Variants in ASB5 observed in about 807,000 individuals in gnomAD.
ASB5 encodes the protein ankyrin repeat and SOCS box containing 5, also known as ankyrin repeat and SOCS box protein 5.
A neutral mutation model predicts 42.1 loss-of-function variants in ASB5; 45 were observed. That is an observed-to-expected ratio of 1.07 (90% CI 0.84 to 1.37). The LOEUF (loss-of-function observed/expected upper bound fraction) is 1.37, where lower values mean the gene tolerates loss of function less well. Ranked by LOEUF, ASB5 falls within the 40% of genes most tolerant of loss-of-function variation. ASB5 has a pLI of 0.00. For synonymous variants in ASB5, 147 were observed against 150.6 expected (o/e 0.98, Z 0.18); for missense variants, 402 against 399.8 (o/e 1.01, Z -0.05).
intron 1 of ASB5, among the ~76,000 whole-genome samples, chr4:176,251,639 T>G (rs955101205): frequency 1.6e-5 from 2 of 128,156 alleles, no homozygotes; most frequent in African/African-American, 5.9e-5. Context: ...AGAATAAAAA[T>G]GTATTCAATT....
rs530846105 is a variant in ASB5, at chr4:176,259,913, CT to C, written c.196+8999del. Among the ~76,000 whole-genome samples the C allele has an allele frequency of 3.3e-5, 5 of 152,072 alleles. No individual in the cohort carries two copies. In the South Asian group the frequency reaches 8.3e-4, roughly 25 times the overall value. The stretch of plus-strand genomic sequence containing the variant: ...CGGTGGCATGGAAATTTTAGCTGCC[CT>C]GATAGAGAGAGGATGCCTTCCTGAC... On this transcript the variant is annotated intron_variant, in intron 1 of 6. Transcript: ENST00000296525.
chr4:176,238,797 A>G (rs957463733), intron 1 of ASB5, among the ~76,000 whole-genome samples: 2 of 152,212 alleles, frequency 1.3e-5, no homozygotes, highest in African/African-American at 2.4e-5. Context: ...GCACTACCCT[A>G]TGGACATTTG....
At chr4:176,264,188 G>A (rs1478997845) in intron 1 of ASB5, among the ~76,000 whole-genome samples, 1 of 152,298 alleles carries the variant, frequency 6.6e-6, no homozygotes, top group Non-Finnish European at 1.5e-5. Context: ...AAGAGCTTGA[G>A]TGTCACCAGA....
intron 1 of ASB5, among the ~76,000 whole-genome samples, chr4:176,249,921 C>T (rs1223484968): frequency 6.6e-6 from 1 of 151,710 alleles, no homozygotes; most frequent in Non-Finnish European, 1.5e-5. Flanking sequence ...AAAAATTAGC[C>T]GGGCGTGGTG....
intron 1 of ASB5, among the ~76,000 whole-genome samples, chr4:176,259,774 G>A (rs938608270): frequency 1.3e-5 from 2 of 152,104 alleles, no homozygotes; most frequent in African/African-American, 4.8e-5. Flanking sequence ...AAACATGAAT[G>A]GCATTTTGGT....
chr4:176,222,317 G>T lies in ASB5; in HGVS notation c.380C>A (p.Ala127Asp), dbSNP rs753072074. The change falls in exon 3 of 7, where the codon GCT becomes GAT. Residue 127 changes from alanine to aspartate, a missense_variant. Transcript: ENST00000296525. ...ACARTLLEAG[A>D]NVNAITIDGV... ...AATGTTTTGAAAGGTACTTACATTAGCTCCTGCTTCCAGCAGAGTTCTGGC... is the reference window on the plus strand; with the variant it reads ...AATGTTTTGAAAGGTACTTACATTATCTCCTGCTTCCAGCAGAGTTCTGGC... The T allele has an allele frequency of 9.3e-6, 15 of 1,608,134 alleles. No homozygotes were observed. The highest frequency in any genetic ancestry group is 3.3e-5 in the Admixed American group (2 of 59,998).
In ASB5 at chr4:176,246,111, T is replaced by C. The variant is rs1292410191; in HGVS notation, c.197-20770A>G. ...ATTGATCTTGGTGTAAAATTAGTAA[T>C]GGTTATTTAACTTAGGCTAATTAGA... On this transcript the variant is annotated intron_variant, in intron 1 of 6. Coordinates refer to ENST00000296525, the MANE Select transcript of ASB5 (RefSeq NM_080874.4). Among the ~76,000 whole-genome samples, 4 of 152,260 alleles carry C rather than the reference T, an allele frequency of 2.6e-5. No individual in the cohort carries two copies. The East Asian group carries it at 7.7e-4, about 29-fold the overall frequency.
At chr4:176,247,597 T>C (rs1032250980) in intron 1 of ASB5, among the ~76,000 whole-genome samples, 8 of 152,206 alleles carry the variant, frequency 5.3e-5, no homozygotes, top group Non-Finnish European at 8.8e-5. Flanking sequence ...CACTTTCCAA[T>C]ACATGGTGTG....
chr4:176,251,137 G>A (rs1316569456), intron 1 of ASB5, among the ~76,000 whole-genome samples: 1 of 151,682 alleles, frequency 6.6e-6, no homozygotes, highest in Admixed American at 6.6e-5. Flanking sequence ...CCTCCCCATG[G>A]CTCTAGCCAC....
rs951102171 is a variant in ASB5 at position 176,275,443 on chromosome 4, G to GA, written c.-90+352dup. 2.9e-4 allele frequency among the ~76,000 whole-genome samples: 44 copies of GA among 152,052 alleles called. 1 individual carries two copies. Among genetic ancestry groups the GA allele is most frequent in the Admixed American group, 1.8e-3 (28 of 15,262 alleles). ...TTTAACTCCAGTTATGAATTTTAGA[G>GA]AAAAAAATTATATTTTAAACATGTT... is the stretch of plus-strand genomic sequence containing the variant. On this transcript the variant is annotated intron_variant, in intron 2 of 2. Transcript: ENST00000505299.
chr4:176,266,822 T>C (rs1234165488), intron 1 of ASB5, among the ~76,000 whole-genome samples: 1 of 152,164 alleles, frequency 6.6e-6, no homozygotes, highest in East Asian at 1.9e-4. Context: ...TTGATATTGA[T>C]TTCCTTTTTT....
chr4:176,224,273 C>T (rs998391261), intron 2 of ASB5, among the ~76,000 whole-genome samples: 11 of 116,876 alleles, frequency 9.4e-5, no homozygotes, highest in Middle Eastern at 0.011. Flanking sequence ...CTTGCTCTGT[C>T]GCCTAGGCTG....
At chr4:176,242,569 A>G (rs767106248) in intron 1 of ASB5, among the ~76,000 whole-genome samples, 2 of 152,190 alleles carry the variant, frequency 1.3e-5, no homozygotes, top group African/African-American at 4.8e-5. Context: ...TATGGTAAAA[A>G]TGTCAGCGGT....
chr4:176,248,537 A>G (rs141177257), intron 1 of ASB5, among the ~76,000 whole-genome samples: 1 of 152,266 alleles, frequency 6.6e-6, no homozygotes, highest in East Asian at 1.9e-4. Flanking sequence ...GAAACTGGAG[A>G]TACACAGGCC....
intron 1 of ASB5, among the ~76,000 whole-genome samples, chr4:176,255,321 A>T (rs918025717): frequency 6.6e-6 from 1 of 152,218 alleles, no homozygotes; most frequent in Non-Finnish European, 1.5e-5. Flanking sequence ...TTCTCAAGGA[A>T]CTAAGAGTTG....
intron 3 of ASB5, among the ~76,000 whole-genome samples, 159 bp downstream of exon 3, chr4:176,222,154 T>C (rs921112809): frequency 1.3e-5 from 2 of 152,246 alleles, no homozygotes; most frequent in Non-Finnish European, 2.9e-5. Context: ...AAATCCTTTT[T>C]AGAGTGCAAT....
At position 176,238,128 on chromosome 4, in the gene ASB5, C is replaced by T. The variant is rs534312271; in HGVS notation, c.197-12787G>A. 1.5e-3 allele frequency among the ~76,000 whole-genome samples: 218 copies of T among 142,042 alleles called. 1 individual carries two copies. Among genetic ancestry groups the T allele is most frequent in the African/African-American group, 5.1e-3 (197 of 38,254 alleles). 93.2% of individuals were successfully genotyped at this position (142,042 alleles called of 152,430 possible). On this transcript the variant is annotated intron_variant, in intron 1 of 6. Coordinates refer to ENST00000296525, the MANE Select transcript of ASB5 (RefSeq NM_080874.4). ...GTCCCAGCTACTCAGAAGGCTGAGG[C>T]GGGAGAATCACTTGAACCCGGGAGG... is the stretch of plus-strand genomic sequence containing the variant.
At chr4:176,238,129 G>A (rs1579322520) in intron 1 of ASB5, among the ~76,000 whole-genome samples, 1 of 151,252 alleles carries the variant, frequency 6.6e-6, no homozygotes. Context: ...AGGCTGAGGC[G>A]GGAGAATCAC....
intron 1 of ASB5, among the ~76,000 whole-genome samples, chr4:176,232,191 C>T (rs1053057944): frequency 6.6e-6 from 1 of 150,738 alleles, no homozygotes; most frequent in South Asian, 2.1e-4. Flanking sequence ...GGTGCGATCT[C>T]GGCTCACTGC....
Sources: allele counts gnomAD v4.1 joint callset (sites outside exome capture counted in the v4.1 genomes callset), GRCh38; gene constraint gnomAD v4.1.1; transcripts MANE v1.5; gene names NCBI Gene and HGNC (gene_info 2026-07-23, HGNC 2026-07-21).